The following ZFHX3 variants were observed in gnomAD, a reference collection of about 807,000 sequenced individuals.
ZFHX3 encodes zinc finger homeobox protein 3.
In ZFHX3, 42 loss-of-function variants were observed where a neutral mutation model predicts 279.1. That is an observed-to-expected ratio of 0.15 (90% CI 0.12 to 0.19). ZFHX3 has a LOEUF of 0.19. Ranked by LOEUF, ZFHX3 falls within the 10% of genes least tolerant of loss-of-function variation. The pLI, the probability that ZFHX3 is intolerant of heterozygous loss-of-function variation, is 1.00. For missense variants in ZFHX3, 4,981 were observed against 4,754.0 expected (o/e 1.05, Z -1.40); for synonymous variants, 2,293 against 1,957.8 (o/e 1.17, Z -4.52).
chr16:73,805,384 G>T (rs1296422211), intron 1 of ZFHX3, among the ~76,000 whole-genome samples: 1 of 152,116 alleles, frequency 6.6e-6, no homozygotes, highest in Non-Finnish European at 1.5e-5. Flanking sequence ...GGCCAGGATG[G>T]TCTTGAACTC....
In ZFHX3 at chr16:73,841,362, G is replaced by A. The variant is rs1961302472; in HGVS notation, c.-1608+50289C>T. 2.0e-5 allele frequency among the ~76,000 whole-genome samples: 3 copies of A among 152,182 alleles called. No homozygotes were observed. In the South Asian group the frequency reaches 6.2e-4, roughly 32 times the overall value. On this transcript the variant is annotated intron_variant, in intron 1 of 17. Transcript: ENST00000641206. ...GTGGGTGGGAGCTGGGTGCACAGCA[G>A]GGGTTCAGTGAACCCAAGAGCCATA...
intron 5 of ZFHX3, among the ~76,000 whole-genome samples, chr16:73,159,200 C>G (rs926758323): frequency 2.6e-5 from 4 of 152,208 alleles, no homozygotes; most frequent in African/African-American, 7.2e-5. Context: ...ATCTAATATC[C>G]AGCATCTATA....
chr16:73,586,207 G>A (rs1247927321), intron 2 of ZFHX3, among the ~76,000 whole-genome samples: 2 of 152,040 alleles, frequency 1.3e-5, no homozygotes, highest in East Asian at 3.9e-4. Context: ...TGGCCAACAT[G>A]GTGAAACCCC....
At chr16:73,507,348 T>G (rs961606772) in intron 2 of ZFHX3, among the ~76,000 whole-genome samples, 4 of 152,098 alleles carry the variant, frequency 2.6e-5, no homozygotes, top group African/African-American at 9.7e-5. Context: ...TTAAGTTCAA[T>G]ACAAAATACT....
chr16:73,732,930 G>C (rs1386437236), intron 1 of ZFHX3, among the ~76,000 whole-genome samples: 1 of 152,178 alleles, frequency 6.6e-6, no homozygotes. Flanking sequence ...CAGCAGTCCT[G>C]TCATGGATCA....
intron 4 of ZFHX3, among the ~76,000 whole-genome samples, chr16:72,886,810 C>A (rs957125033): frequency 3.3e-5 from 5 of 152,186 alleles, no homozygotes; most frequent in African/African-American, 1.2e-4. Flanking sequence ...GGGGCACAGG[C>A]TCCCCTACAG....
chr16:73,121,422 C>T (rs991130350), intron 7 of ZFHX3, among the ~76,000 whole-genome samples: 14 of 152,040 alleles, frequency 9.2e-5, no homozygotes, highest in African/African-American at 3.1e-4. Flanking sequence ...AATATGGCTA[C>T]TGGAATATTT....
At chr16:73,297,661 A>G (rs1437646661) in intron 4 of ZFHX3, among the ~76,000 whole-genome samples, 3 of 151,956 alleles carry the variant, frequency 2.0e-5, no homozygotes, top group African/African-American at 4.8e-5. Flanking sequence ...TTTAAAAGAG[A>G]AACAAGAAGG....
At position 72,788,382 on chromosome 16, in the gene ZFHX3, G is replaced by C; in HGVS notation, c.9894C>G (p.Asp3298Glu). The C allele has an allele frequency of 6.2e-7, 1 of 1,614,228 alleles. No individual in the cohort carries two copies. Among genetic ancestry groups the C allele is most frequent in the African/African-American group, 1.3e-5 (1 of 75,066 alleles). The change falls in exon 10 of 10, where the codon GAC (aspartate) becomes GAG (glutamate). Residue 3298 changes from aspartate to glutamate, a missense_variant. Coordinates refer to ENST00000268489, the MANE Select transcript of ZFHX3 (RefSeq NM_006885.4). Reference sequence around the variant, plus strand: ...ACTGGCTTGTGAGCAATGCTGTGGGGTCCGAAGTCAACGCGGCCTGCAGGG... The same window carrying C: ...ACTGGCTTGTGAGCAATGCTGTGGGCTCCGAAGTCAACGCGGCCTGCAGGG... ...LQALQAALTS[D>E]PTALLTSQFL... is the part of the protein sequence containing the mutation.
chr16:73,806,730 T>C (rs1326206408), intron 1 of ZFHX3, among the ~76,000 whole-genome samples: 1 of 152,198 alleles, frequency 6.6e-6, no homozygotes. Flanking sequence ...TTTAACAGCC[T>C]TTATGCAAAA....
chr16:73,189,845 G>C (rs918705783), intron 5 of ZFHX3, among the ~76,000 whole-genome samples: 1 of 152,184 alleles, frequency 6.6e-6, no homozygotes, highest in Non-Finnish European at 1.5e-5. Context: ...TGTAATCCTA[G>C]TGCTTTAGGA....
At chr16:72,931,407 AC>A (rs1959794106) in intron 3 of ZFHX3, among the ~76,000 whole-genome samples, 1 of 21,038 alleles carries the variant, frequency 4.8e-5, no homozygotes, top group Non-Finnish European at 8.0e-5. Context: ...ATTTCATTAC[AC>A]ACACACACAC....
chr16:72,898,746 CA>C (rs34647860), intron 3 of ZFHX3, among the ~76,000 whole-genome samples: 19,527 of 128,022 alleles, frequency 0.15, 1,487 homozygotes, highest in Admixed American at 0.27. Flanking sequence ...AACCCTGTCT[CA>C]AAAAAAAAAA....
At chr16:73,604,286 G>A (rs918690972) in intron 2 of ZFHX3, among the ~76,000 whole-genome samples, 5 of 151,446 alleles carry the variant, frequency 3.3e-5, no homozygotes, top group Non-Finnish European at 7.4e-5. Flanking sequence ...TTTCTATATT[G>A]GGTTACATTT....
intron 1 of ZFHX3, among the ~76,000 whole-genome samples, chr16:73,813,186 C>T (rs899891895): frequency 5.3e-5 from 8 of 152,094 alleles, no homozygotes; most frequent in African/African-American, 1.9e-4. Flanking sequence ...TGTCTTCTCT[C>T]TCCTCATCCC....
chr16:72,843,383 C>T (rs901971127), intron 4 of ZFHX3, among the ~76,000 whole-genome samples: 3 of 151,820 alleles, frequency 2.0e-5, no homozygotes, highest in African/African-American at 4.8e-5. Flanking sequence ...TGGTGGCGGG[C>T]GCCTGTAGTC....
chr16:73,484,214 C>A (rs191892903), intron 2 of ZFHX3, among the ~76,000 whole-genome samples: 82 of 152,204 alleles, frequency 5.4e-4, no homozygotes, highest in Middle Eastern at 3.4e-3. Context: ...GCTCTTTCCA[C>A]GAAGCATCTT....
At chr16:73,659,308 G>A (rs1290674041) in intron 2 of ZFHX3, among the ~76,000 whole-genome samples, 1 of 152,124 alleles carries the variant, frequency 6.6e-6, no homozygotes, top group Non-Finnish European at 1.5e-5. Flanking sequence ...TCTGCTGGAG[G>A]ACTCAGGGAA....
chr16:73,451,730 A>AG (rs1684192590), intron 3 of ZFHX3, among the ~76,000 whole-genome samples: 1 of 152,158 alleles, frequency 6.6e-6, no homozygotes. Context: ...CCCAGATGGG[A>AG]GATCCTTAGG....
Sources: gnomAD v4.1 joint callset for allele counts (sites outside exome capture counted in the v4.1 genomes callset) on GRCh38, gnomAD v4.1.1 for gene constraint, MANE v1.5 for transcripts, NCBI Gene and HGNC (gene_info 2026-07-23, HGNC 2026-07-21) for gene names.